ALDH1A2: variants seen among roughly 807,000 people sequenced by gnomAD.
The protein encoded by ALDH1A2 is aldehyde dehydrogenase 1 family member A2, also known as retinal dehydrogenase 2.
ALDH1A2 carries 27 observed loss-of-function variants against 60.3 expected under a neutral mutation model. The observed-to-expected ratio is 0.45, with a 90% CI of 0.33 to 0.62. The LOEUF (loss-of-function observed/expected upper bound fraction) is 0.62. ALDH1A2 is among the 20% of genes least tolerant of loss of function. ALDH1A2 has a pLI of 0.02. For synonymous variants in ALDH1A2, 289 were observed against 232.4 expected (o/e 1.24, Z -2.21); for missense variants, 581 against 643.8 (o/e 0.90, Z 1.06).
At chr15:58,057,140 T>C (rs1896917402) in intron 1 of ALDH1A2, among the ~76,000 whole-genome samples, 1 of 152,058 alleles carries the variant, frequency 6.6e-6, no homozygotes, top group Non-Finnish European at 1.5e-5. Flanking sequence ...GCAGCATTAC[T>C]GCAATAACAA....
In ALDH1A2 at chr15:57,955,159, G is replaced by A; in HGVS notation, c.*38C>T. The A allele has an allele frequency of 3.1e-6, 5 of 1,589,988 alleles. No individual in the cohort carries two copies. The highest frequency in any genetic ancestry group is 1.1e-5 in the South Asian group (1 of 90,574). ...CCTACAGAGAAAGCAGAGAGGGACA[G>A]ACGTGCAGGCTGGGCTTCATCCTCC... On this transcript the variant is annotated 3_prime_UTR_variant, in exon 13 of 13. Transcript: ENST00000249750.
intron 1 of ALDH1A2, among the ~76,000 whole-genome samples, chr15:58,061,739 C>T (rs1188211784): frequency 6.6e-6 from 1 of 151,512 alleles, no homozygotes; most frequent in Non-Finnish European, 1.5e-5. Context: ...ATGAATTATT[C>T]TATTTATTTC....
At chr15:58,031,942 C>T (rs575112154) in intron 1 of ALDH1A2, among the ~76,000 whole-genome samples, 2,489 of 152,066 alleles carry the variant, frequency 0.016, 32 homozygotes, top group African/African-American at 0.038. Flanking sequence ...TGGAAGTCAG[C>T]GTGGCGATTC....
chr15:57,975,135 C>A (rs1441817), intron 7 of ALDH1A2, among the ~76,000 whole-genome samples: 13 of 152,280 alleles, frequency 8.5e-5, no homozygotes, highest in East Asian at 3.9e-4. Flanking sequence ...ATGGTATAAC[C>A]GATTTGGAAA....
At chr15:57,980,298 T>C (rs1894447872) in intron 7 of ALDH1A2, 3 of 415,618 alleles carry the variant, frequency 7.2e-6, no homozygotes, top group Non-Finnish European at 1.5e-5. Flanking sequence ...ATGTGCCTCA[T>C]GTTCCCACTC....
rs144413047 is a variant in ALDH1A2, at chr15:57,977,745, A to G, written c.799-11918T>C. Among the ~76,000 whole-genome samples the G allele has an allele frequency of 8.0e-3, 1,214 of 152,274 alleles. 23 individuals are homozygous for G. Among genetic ancestry groups the G allele is most frequent in the East Asian group, 0.049 (253 of 5,188 alleles). On this transcript the variant is annotated intron_variant, in intron 7 of 12. Coordinates refer to ENST00000249750, the MANE Select transcript of ALDH1A2 (RefSeq NM_003888.4). Reference sequence around the variant, plus strand: ...ATTTAAAGTCGTTTTTTCTAATTCTATGAAGAAAGTCAATGGTAGCTTGAT... The same window carrying G: ...ATTTAAAGTCGTTTTTTCTAATTCTGTGAAGAAAGTCAATGGTAGCTTGAT...
intron 7 of ALDH1A2, among the ~76,000 whole-genome samples, chr15:57,973,431 T>C (rs1201612537): frequency 6.6e-6 from 1 of 152,188 alleles, no homozygotes; most frequent in Admixed American, 6.5e-5. Flanking sequence ...AATGTACCAA[T>C]AGGTCCCATC....
intron 7 of ALDH1A2, among the ~76,000 whole-genome samples, chr15:57,967,795 G>C (rs574836503): frequency 6.6e-6 from 1 of 152,090 alleles, no homozygotes; most frequent in African/African-American, 2.4e-5. Context: ...CCCTTCCCCC[G>C]CCCTTGCCAT....
chr15:57,996,714 A>C (rs1019234915), intron 4 of ALDH1A2, among the ~76,000 whole-genome samples: 1 of 152,016 alleles, frequency 6.6e-6, no homozygotes, highest in Admixed American at 6.6e-5. Context: ...AAGTGTATGT[A>C]CATTTCAGAT....
intron 1 of ALDH1A2, among the ~76,000 whole-genome samples, chr15:58,050,627 A>G (rs1408985231): frequency 6.6e-6 from 1 of 152,172 alleles, no homozygotes; most frequent in Non-Finnish European, 1.5e-5. Context: ...TGCTCCCTGC[A>G]CAGGCAAAGT....
intron 3 of ALDH1A2, among the ~76,000 whole-genome samples, chr15:58,011,481 A>C (rs1413251751): frequency 6.6e-6 from 1 of 152,250 alleles, no homozygotes; most frequent in Non-Finnish European, 1.5e-5. Context: ...AACAAAAACA[A>C]TGAACACGCT....
chr15:58,061,165 C>A (rs1595699160), intron 1 of ALDH1A2, among the ~76,000 whole-genome samples: 1 of 152,066 alleles, frequency 6.6e-6, no homozygotes, highest in Admixed American at 6.5e-5. Context: ...GGGATCAGGG[C>A]AGGACCCCAG....
intron 8 of ALDH1A2, 147 bp from the exon 9 acceptor site, chr15:57,964,216 T>C (rs753732065): frequency 1.4e-5 from 10 of 730,648 alleles, no homozygotes; most frequent in Non-Finnish European, 1.8e-5. Context: ...GGAATGCAAC[T>C]AGTTCTAACT....
rs184664871 is a variant in ALDH1A2, at chr15:57,963,857, A to T, written c.1086+28T>A. 2.4e-4 allele frequency: 388 copies of T among 1,613,558 alleles called. 4 individuals carry two copies. In the East Asian group the frequency reaches 7.2e-3, roughly 30 times the overall value. On this transcript the variant is annotated intron_variant, in intron 9 of 12. Coordinates refer to ENST00000249750, the MANE Select transcript of ALDH1A2 (RefSeq NM_003888.4). ...TCTGTGCCAGTCAAGGATTAAGTAAACAAAGGGAATGGTTATGATTTTTCT... is the reference window on the plus strand; with the variant it reads ...TCTGTGCCAGTCAAGGATTAAGTAATCAAAGGGAATGGTTATGATTTTTCT...
intron 5 of ALDH1A2, among the ~76,000 whole-genome samples, chr15:57,994,192 C>T (rs1363384082): frequency 1.3e-5 from 2 of 152,142 alleles, no homozygotes; most frequent in East Asian, 3.9e-4. Context: ...TAGGATTTCC[C>T]CAGGGCCTTT....
At chr15:58,039,498 C>T (rs533039096) in intron 1 of ALDH1A2, among the ~76,000 whole-genome samples, 1 of 151,864 alleles carries the variant, frequency 6.6e-6, no homozygotes, top group South Asian at 2.1e-4. Context: ...TTTACTATCC[C>T]CCTGGAATCG....
intron 5 of ALDH1A2, 81 bp downstream of exon 5, chr15:57,994,997 C>G: frequency 7.5e-7 from 1 of 1,330,888 alleles, no homozygotes; most frequent in Non-Finnish European, 1.1e-6. Flanking sequence ...AAACACACAT[C>G]GCTGAGGACC....
At chr15:58,027,378 C>G (rs1896109395) in intron 1 of ALDH1A2, among the ~76,000 whole-genome samples, 3 of 152,218 alleles carry the variant, frequency 2.0e-5, no homozygotes, top group African/African-American at 4.8e-5. Flanking sequence ...CACCAAAACC[C>G]CATTTGTAGG....
intron 1 of ALDH1A2, among the ~76,000 whole-genome samples, chr15:58,041,877 G>C (rs1595685264): frequency 6.6e-6 from 1 of 151,794 alleles, no homozygotes; most frequent in African/African-American, 2.4e-5. Flanking sequence ...TTGTAAATAG[G>C]AACAGTAAGA....
Sources: allele counts gnomAD v4.1 joint callset (sites outside exome capture counted in the v4.1 genomes callset), GRCh38; gene constraint gnomAD v4.1.1; transcripts MANE v1.5; gene names NCBI Gene and HGNC (gene_info 2026-07-23, HGNC 2026-07-21).